PUDP: variants seen among roughly 807,000 people sequenced by gnomAD.
PUDP encodes pseudouridine-5'-phosphatase.
Under a neutral mutation model 9.4 loss-of-function variants are expected in PUDP, and 8 were observed. The ratio of observed to expected loss-of-function variants is 0.85; its 90% CI spans 0.50 to 1.53. PUDP has a LOEUF of 1.53. Among genes scored for constraint, PUDP ranks in the 40% most tolerant of loss-of-function variants. PUDP has a pLI of 0.00. For synonymous variants in PUDP, 99 were observed against 80.7 expected (o/e 1.23, Z -1.22); for missense variants, 188 against 189.7 (o/e 0.99, Z 0.05).
intron 3 of PUDP, among the ~76,000 whole-genome samples, chrX:6,849,274 C>T (rs769744002): frequency 8.9e-6 from 1 of 112,266 alleles, no homozygotes; most frequent in African/African-American, 3.2e-5. Context: ...TCTCAGGGTT[C>T]CCCCAACGTT....
intron 1 of PUDP, among the ~76,000 whole-genome samples, chrX:6,709,979 C>T (rs1170420043): frequency 9.0e-6 from 1 of 110,882 alleles, no homozygotes; most frequent in African/African-American, 3.3e-5. Context: ...AAAAATTAGC[C>T]GGGCGTGGTG....
intron 3 of PUDP, among the ~76,000 whole-genome samples, chrX:6,908,630 C>T (rs1569121272): frequency 9.0e-6 from 1 of 111,410 alleles, no homozygotes; most frequent in Non-Finnish European, 1.9e-5. Flanking sequence ...AAGGGAAGCT[C>T]GCCTGAACCT....
At chrX:7,112,155 A>G (rs1229168196) in intron 1 of PUDP, among the ~76,000 whole-genome samples, 1 of 111,644 alleles carries the variant, frequency 9.0e-6, no homozygotes, top group Non-Finnish European at 1.9e-5. Flanking sequence ...AAAGCTTCTG[A>G]AAACACTGCA....
chrX:6,873,065 A>G (rs1927199728), intron 3 of PUDP, among the ~76,000 whole-genome samples: 1 of 111,949 alleles, frequency 8.9e-6, no homozygotes, highest in Non-Finnish European at 1.9e-5. Flanking sequence ...GCTCCCAAGC[A>G]CGAGAGAAAT....
intron 3 of PUDP, among the ~76,000 whole-genome samples, chrX:6,782,931 A>C (rs1925588324): frequency 1.8e-5 from 2 of 111,382 alleles, no homozygotes; most frequent in African/African-American, 6.5e-5. Flanking sequence ...TCTTTTACAA[A>C]CAGATTGGCC....
chrX:7,098,217 C>T (rs768084957), intron 2 of PUDP, among the ~76,000 whole-genome samples: 14 of 112,436 alleles, frequency 1.2e-4, no homozygotes, highest in Non-Finnish European at 2.4e-4. Flanking sequence ...TGGGACTGGA[C>T]ACTTGTAAAG....
chrX:6,951,537 A>G (rs1928559575), intron 3 of PUDP, among the ~76,000 whole-genome samples: 1 of 111,812 alleles, frequency 8.9e-6, no homozygotes, highest in African/African-American at 3.3e-5. Flanking sequence ...TATTTATGCT[A>G]TGGTCACATT....
At chrX:7,136,508 T>G (rs1932746342) in intron 1 of PUDP, among the ~76,000 whole-genome samples, 1 of 112,546 alleles carries the variant, frequency 8.9e-6, no homozygotes, top group South Asian at 3.7e-4. Flanking sequence ...AATGGTGACC[T>G]GGCTAATTCT....
At chrX:7,118,546 T>C (rs746594881) in intron 1 of PUDP, among the ~76,000 whole-genome samples, 1 of 112,068 alleles carries the variant, frequency 8.9e-6, no homozygotes, top group Non-Finnish European at 1.9e-5. Context: ...CTTGCTGCTA[T>C]ATGTGTTATT....
intron 3 of PUDP, among the ~76,000 whole-genome samples, chrX:6,923,856 A>AC (rs1928060845): frequency 9.0e-6 from 1 of 111,320 alleles, no homozygotes. Flanking sequence ...AAGGTCATGC[A>AC]CCATCTGGTC....
chrX:6,753,056 T>A (rs1925124137), intron 3 of PUDP, among the ~76,000 whole-genome samples: 3 of 110,673 alleles, frequency 2.7e-5, no homozygotes, highest in Admixed American at 1.9e-4. Flanking sequence ...ATTTGTGAGA[T>A]TTCGGTGCCT....
chrX:6,959,189 G>A (rs1406366134), intron 3 of PUDP, among the ~76,000 whole-genome samples: 1 of 111,807 alleles, frequency 8.9e-6, no homozygotes, highest in Non-Finnish European at 1.9e-5. Context: ...ATGGGAGAAT[G>A]ATCCTGAAGG....
chrX:6,908,941 G>A (rs1927808443), intron 3 of PUDP, among the ~76,000 whole-genome samples: 2 of 111,204 alleles, frequency 1.8e-5, no homozygotes, highest in Admixed American at 1.9e-4. Flanking sequence ...ACCTCCAAGA[G>A]ATTCTTGTGC....
chrX:6,758,406 TGA>T (rs1444471885), intron 3 of PUDP, among the ~76,000 whole-genome samples: 2 of 111,589 alleles, frequency 1.8e-5, no homozygotes, highest in African/African-American at 6.5e-5. Flanking sequence ...GAGGCTTCAG[TGA>T]GCTGTGACGG....
chrX:6,917,908 G>C (rs141121566), intron 3 of PUDP, among the ~76,000 whole-genome samples: 1 of 111,846 alleles, frequency 8.9e-6, no homozygotes, highest in Non-Finnish European at 1.9e-5. Flanking sequence ...TAATTTGGAC[G>C]TCATGGGGCA....
At chrX:7,109,621 C>T (rs1430696007) in intron 1 of PUDP, among the ~76,000 whole-genome samples, 1 of 112,493 alleles carries the variant, frequency 8.9e-6, no homozygotes, top group Non-Finnish European at 1.9e-5. Context: ...TGCAGACAGA[C>T]ACTTTTCCTC....
chrX:7,071,363 C>T (rs1221352628), intron 3 of PUDP, among the ~76,000 whole-genome samples: 3 of 111,404 alleles, frequency 2.7e-5, no homozygotes, highest in Non-Finnish European at 5.6e-5. Flanking sequence ...TAATCTGTCA[C>T]CCAGTACTCC....
chrX:6,913,326 T>G (rs1266655593), intron 3 of PUDP, among the ~76,000 whole-genome samples: 2 of 111,981 alleles, frequency 1.8e-5, no homozygotes, highest in Non-Finnish European at 3.8e-5. Flanking sequence ...TAATATATAT[T>G]ATATTTTGGA....
At chrX:6,731,804 G>A (rs916595791) in intron 3 of PUDP, among the ~76,000 whole-genome samples, 25 of 106,598 alleles carry the variant, frequency 2.3e-4, no homozygotes, top group African/African-American at 4.9e-4. Context: ...AAGGGACGGC[G>A]GAAGGAAGGA....
Sources: gnomAD v4.1 joint callset for allele counts (sites outside exome capture counted in the v4.1 genomes callset) on GRCh38, gnomAD v4.1.1 for gene constraint, MANE v1.5 for transcripts, NCBI Gene and HGNC (gene_info 2026-07-23, HGNC 2026-07-21) for gene names.